WFDC3: variants seen among roughly 807,000 people sequenced by gnomAD.
WFDC3 encodes the protein WAP four-disulfide core domain protein 3.
A neutral mutation model predicts 25.8 loss-of-function variants in WFDC3; 15 were observed. That is an observed-to-expected ratio of 0.58 (90% CI 0.39 to 0.89). WFDC3 has a LOEUF of 0.89. Among genes scored for constraint, WFDC3 ranks in the 40% least tolerant of loss-of-function variants. The pLI is 0.00. For synonymous variants in WFDC3, 103 were observed against 107.1 expected (o/e 0.96, Z 0.24); for missense variants, 264 against 289.8 (o/e 0.91, Z 0.65).
chr20:45,788,682 T>C, intron 3 of WFDC3: 2 of 399,050 alleles, frequency 5.0e-6, no homozygotes, highest in South Asian at 4.5e-5. Flanking sequence ...CCCTCCAGCC[T>C]TCACAGGAAC....
chr20:45,775,691 A>T, intron 5 of WFDC3, 89 bp from the exon 6 acceptor site: 1 of 1,531,762 alleles, frequency 6.5e-7, no homozygotes, highest in Non-Finnish European at 8.9e-7. Context: ...CAGAGGCTCT[A>T]GGTCAATCAA....
chr20:45,776,143 G>A (rs965997836), intron 5 of WFDC3, among the ~76,000 whole-genome samples: 1 of 152,076 alleles, frequency 6.6e-6, no homozygotes, highest in Non-Finnish European at 1.5e-5. Flanking sequence ...GCACTGCCTG[G>A]GAATCTAAAG....
intron 3 of WFDC3, 43 bp from the exon 4 acceptor site, chr20:45,788,025 C>A (rs754732356): frequency 6.3e-6 from 10 of 1,593,216 alleles, no homozygotes; most frequent in Non-Finnish European, 8.5e-6. Context: ...GAAAATAGGC[C>A]GAGCGCCATG....
chr20:45,788,633 T>C (rs1314314913), intron 3 of WFDC3: 1 of 270,040 alleles, frequency 3.7e-6, no homozygotes, highest in Non-Finnish European at 7.0e-6. Context: ...GTCTACTCTC[T>C]TAATCATTAT....
Position 45,775,494 on chromosome 20 carries a change from C to G in WFDC3, c.602G>C (p.Arg201Pro). ...GEKCCKSGCG[R>P]FCVPPVLPPK... ...GGGCAGGACTGGTGGGACACAGAAG[C>G]GGCCACAGCCTGACTTGCAACATTT... Residue 201 changes from arginine to proline, a missense_variant, in exon 6 of 7, where the codon CGC becomes CCC. Transcript: ENST00000243938. 6.2e-7 allele frequency: 1 copy of G among 1,614,216 alleles called. No individual in the cohort carries two copies. Among genetic ancestry groups the G allele is most frequent in the South Asian group, 1.1e-5 (1 of 91,086 alleles).
chr20:45,775,675 TACAC>T (rs1446827988), intron 5 of WFDC3, 73 bp from the exon 6 acceptor site: 1 of 1,579,310 alleles, frequency 6.3e-7, no homozygotes, highest in Non-Finnish European at 8.6e-7. Flanking sequence ...ATCGTGAACT[TACAC>T]ACAGAGGCTC....
At chr20:45,777,327 A>G in intron 4 of WFDC3, 118 bp from the exon 5 acceptor site, 1 of 1,091,142 alleles carries the variant, frequency 9.2e-7, no homozygotes, top group African/African-American at 1.6e-5. Flanking sequence ...TAATGTAAAT[A>G]TTTATGTGTA....
intron 3 of WFDC3, 187 bp from the exon 4 acceptor site, chr20:45,788,169 G>T: frequency 2.2e-6 from 1 of 463,444 alleles, no homozygotes. Context: ...CGGGGGTGGT[G>T]GCACATGCCT....
Position 45,776,656 on chromosome 20 carries a change from A to G in WFDC3, c.493+419T>C, listed in dbSNP as rs973871792. Reference sequence around the variant, plus strand: ...AAAAAATATATATATATATATATATATATATGTGTGTGTGTGTTTCCAACT... The same window carrying G: ...AAAAAATATATATATATATATATATGTATATGTGTGTGTGTGTTTCCAACT... On this transcript the variant is annotated intron_variant, in intron 5 of 6. Coordinates refer to ENST00000243938, the MANE Select transcript of WFDC3 (RefSeq NM_080614.2). 2.4e-3 allele frequency among the ~76,000 whole-genome samples: 253 copies of G among 104,922 alleles called. 4 individuals are homozygous for G. The East Asian group carries it at 0.046, about 19-fold the overall frequency. 68.8% of individuals were successfully genotyped at this position (104,922 alleles called of 152,430 possible).
chr20:45,779,162 G>A (rs546149098), intron 4 of WFDC3, among the ~76,000 whole-genome samples: 72 of 152,252 alleles, frequency 4.7e-4, no homozygotes, highest in Admixed American at 7.8e-4. Context: ...GGCCCCAGGC[G>A]CAGGCACACC....
intron 4 of WFDC3, among the ~76,000 whole-genome samples, chr20:45,777,508 G>T (rs1469589564): frequency 6.6e-6 from 1 of 151,706 alleles, no homozygotes; most frequent in Non-Finnish European, 1.5e-5. Flanking sequence ...ATGCCATCAT[G>T]CCTGGCTTAT....
chr20:45,775,275 T>C, intron 6 of WFDC3, 142 bp downstream of exon 6: 2 of 1,178,020 alleles, frequency 1.7e-6, no homozygotes, highest in South Asian at 3.0e-5. Flanking sequence ...ACTGTTTGTA[T>C]GAGGGTTTTC....
chr20:45,790,542 T>C (rs911326201), intron 1 of WFDC3, among the ~76,000 whole-genome samples: 4 of 152,146 alleles, frequency 2.6e-5, no homozygotes, highest in African/African-American at 9.7e-5. Flanking sequence ...CTGGCCAACA[T>C]GGCGAAACCC....
rs781761019 is a variant in WFDC3 at position 45,775,423 on chromosome 20, C to T, written c.673G>A (p.Glu225Lys). The change falls in exon 6 of 7, where the codon GAA becomes AAA. Residue 225 changes from glutamate (E) to lysine (K), a missense_variant. Coordinates refer to ENST00000243938, the MANE Select transcript of WFDC3 (RefSeq NM_080614.2). ...NPNWTVRSDSELEIPVP is the reference protein window; with the variant it reads ...NPNWTVRSDSKLEIPVP Reference sequence around the variant, plus strand: ...GACAATGGACTGTACTCACCTAATTCGGAATCAGACCTCACAGTCCAGTTG... The same window carrying T: ...GACAATGGACTGTACTCACCTAATTTGGAATCAGACCTCACAGTCCAGTTG... The T allele has an allele frequency of 8.1e-6, 13 of 1,613,856 alleles. No individual in the cohort carries two copies. Among genetic ancestry groups the T allele is most frequent in the African/African-American group, 2.7e-5 (2 of 74,926 alleles).
intron 2 of WFDC3, 110 bp downstream of exon 2, chr20:45,789,784 T>C: frequency 1.1e-6 from 1 of 910,052 alleles, no homozygotes; most frequent in East Asian, 2.4e-5. Context: ...ATAGAGATGA[T>C]CATCTCCACT....
intron 6 of WFDC3, among the ~76,000 whole-genome samples, chr20:45,774,764 G>A (rs1242855214): frequency 1.3e-5 from 2 of 152,112 alleles, no homozygotes; most frequent in East Asian, 3.9e-4. Context: ...CCAACATGGT[G>A]AAACACTGTC....
chr20:45,775,605 GT>G lies in WFDC3; in HGVS notation c.494-4del. 1 of 1,614,048 alleles carries G rather than the reference GT, an allele frequency of 6.2e-7. No homozygotes were observed. The highest frequency in any genetic ancestry group is 1.1e-5 in the South Asian group (1 of 91,076). On this transcript the variant is annotated splice_region_variant and splice_polypyrimidine_tract_variant and intron_variant, in intron 5 of 6. Transcript: ENST00000243938. The stretch of plus-strand genomic sequence containing the variant: ...TTTTGGACAATCACCGCCCCGCCCT[GT>G]GGGAACAACAGGCACAGGAAAAGGG...
At chr20:45,780,359 G>A (rs959938782) in intron 4 of WFDC3, among the ~76,000 whole-genome samples, 9 of 152,166 alleles carry the variant, frequency 5.9e-5, no homozygotes, top group Admixed American at 6.6e-5. Flanking sequence ...TCACAGGCAT[G>A]AGTTACCATG....
intron 5 of WFDC3, among the ~76,000 whole-genome samples, chr20:45,775,956 C>T (rs1297680811): frequency 2.0e-5 from 3 of 152,200 alleles, no homozygotes; most frequent in Non-Finnish European, 4.4e-5. Context: ...CACTTCTTCA[C>T]GGTGGCCTCC....
Sources: gnomAD v4.1 joint callset for allele counts (sites outside exome capture counted in the v4.1 genomes callset) on GRCh38, gnomAD v4.1.1 for gene constraint, MANE v1.5 for transcripts, NCBI Gene and HGNC (gene_info 2026-07-23, HGNC 2026-07-21) for gene names.